NHSL1: variants seen among roughly 807,000 people sequenced by gnomAD.
NHSL1 encodes NHS like 1, also known as NHS-like protein 1.
NHSL1 carries 48 observed loss-of-function variants against 95.0 expected under a neutral mutation model. The ratio of observed to expected loss-of-function variants is 0.51; its 90% confidence interval spans 0.40 to 0.64. The LOEUF (loss-of-function observed/expected upper bound fraction) is 0.64, where lower values mean the gene tolerates loss of function less well. NHSL1 is among the 30% of genes least tolerant of loss of function. NHSL1 has a pLI of 0.00. For missense variants in NHSL1, 1,971 were observed against 2,077.7 expected, an observed-to-expected ratio of 0.95 and a Z score of 1.00; for synonymous variants, 783 against 833.9, an observed-to-expected ratio of 0.94 and a Z score of 1.05.
At chr6:138,597,713 T>C (rs149524065) in intron 1 of NHSL1, among the ~76,000 whole-genome samples, 33 of 152,310 alleles carry the variant, frequency 2.2e-4, no homozygotes, top group Middle Eastern at 3.4e-3. Context: ...AAGTACAGTT[T>C]TGTGTGAGCA....
chr6:138,503,594 C>T (rs1281463537), upstream of NHSL1, among the ~76,000 whole-genome samples: 2 of 152,130 alleles, frequency 1.3e-5, no homozygotes, highest in Non-Finnish European at 2.9e-5. Flanking sequence ...GTTGTAACAG[C>T]AGGGTTGAGC....
chr6:138,503,034 T>G (rs140427202), upstream of NHSL1, among the ~76,000 whole-genome samples: 33 of 152,336 alleles, frequency 2.2e-4, no homozygotes, highest in East Asian at 5.4e-3. Flanking sequence ...AATTGCTCTA[T>G]ACCCCCTGCT....
chr6:138,445,627 C>A (rs56144017), intron 4 of NHSL1, among the ~76,000 whole-genome samples: 10,907 of 152,194 alleles, frequency 0.072, 510 homozygotes, highest in Middle Eastern at 0.14. Context: ...AATGTAATTT[C>A]TAAATATCTG....
rs562177649 is a variant in NHSL1, at chr6:138,431,566, G to A, written c.2779C>T (p.Pro927Ser). The A allele has an allele frequency of 1.8e-4, 277 of 1,551,446 alleles. No individual in the cohort carries two copies. In the South Asian group the frequency reaches 3.0e-3, roughly 17 times the overall value. The change falls in exon 6 of 8, where the codon CCC (proline) becomes TCC (serine). Residue 927 changes from proline (P) to serine (S), a missense_variant. Physicochemically the swap from Pro to Ser is moderately conservative, Grantham distance 74. Transcript: ENST00000343505. The surrounding 1 kb of genome is among the most constrained non-coding windows in gnomAD (Gnocchi z 4.0). ...MKKLDPAVGS[P>S]PAPPPPPVPS... ...ACAGGAGGAGGAGGAGGAGCCGGGG[G>A]AGAGCCCACGGCTGGATCCAGCTTC...
Position 138,424,206 on chromosome 6 carries a change from G to T in NHSL1, c.4696C>A (p.Leu1566Ile). 6.7e-7 allele frequency: 1 copy of T among 1,499,422 alleles called. No homozygotes were observed. Among genetic ancestry groups the T allele is most frequent in the South Asian group, 1.3e-5 (1 of 77,140 alleles). The allele number at this position is 1,499,422 out of a possible 1,614,324, so 92.9% of individuals were successfully genotyped here. Residue 1566 changes from leucine (L) to isoleucine (I), a missense_variant, in exon 8 of 8, where the codon CTC (leucine) becomes ATC (isoleucine). Transcript: ENST00000343505. The surrounding 1 kb of genome is among the most constrained non-coding windows in gnomAD (Gnocchi z 5.9). ...GAGGCGGCAGGCCCCTCCCCACAGA[G>T]CAGGCCGCCCTCGTCCATCTCCTCC... ...AREEMDEGGL[L>I]CGEGPAASLQ...
intron 7 of NHSL1, among the ~76,000 whole-genome samples, chr6:138,429,131 C>T (rs971860485): frequency 6.6e-6 from 1 of 152,092 alleles, no homozygotes; most frequent in Non-Finnish European, 1.5e-5. Context: ...TTAAACCCAA[C>T]GATTTCTGAT....
At chr6:138,512,496 G>A in intron 1 of NHSL1, 3 of 184,344 alleles carry the variant, frequency 1.6e-5, no homozygotes, top group Non-Finnish European at 2.3e-5. Flanking sequence ...TCTATATTCT[G>A]AACTTTCTAG....
chr6:138,485,109 G>A (rs1052929390), intron 2 of NHSL1, among the ~76,000 whole-genome samples: 29 of 152,286 alleles, frequency 1.9e-4, no homozygotes, highest in African/African-American at 7.0e-4. Context: ...CGTATCATTG[G>A]CAGCAGAGGA....
intron 3 of NHSL1, among the ~76,000 whole-genome samples, chr6:138,463,858 G>A (rs1273204980): frequency 1.3e-5 from 2 of 152,036 alleles, no homozygotes; most frequent in Non-Finnish European, 2.9e-5. Flanking sequence ...TAAAATGGCA[G>A]TCCTGTTGCT....
At chr6:138,444,386 T>C (rs1251574541) in intron 4 of NHSL1, among the ~76,000 whole-genome samples, 3 of 152,208 alleles carry the variant, frequency 2.0e-5, no homozygotes, top group African/African-American at 7.2e-5. Context: ...GGAAGAGTTG[T>C]TGTCCCACAT....
intron 1 of NHSL1, among the ~76,000 whole-genome samples, chr6:138,561,846 G>A (rs1783423211): frequency 6.6e-6 from 1 of 152,230 alleles, no homozygotes. Flanking sequence ...GCCTAGGCAA[G>A]CATTCACCAT....
chr6:138,535,482 T>C (rs1782302999), intron 1 of NHSL1, among the ~76,000 whole-genome samples: 1 of 152,122 alleles, frequency 6.6e-6, no homozygotes, highest in Non-Finnish European at 1.5e-5. Flanking sequence ...GAAGATTACT[T>C]GAGCCTAAGA....
chr6:138,451,412 C>T (rs1777230883), intron 3 of NHSL1, among the ~76,000 whole-genome samples: 1 of 151,980 alleles, frequency 6.6e-6, no homozygotes, highest in African/African-American at 2.4e-5. Flanking sequence ...TATTTTGTAT[C>T]CCCTTTCCCT....
At chr6:138,429,944 G>T in intron 6 of NHSL1, 101 bp from the exon 7 acceptor site, 1 of 1,217,296 alleles carries the variant, frequency 8.2e-7, no homozygotes, top group Non-Finnish European at 1.1e-6. Context: ...TCCCGACAAT[G>T]TGAGAACCAC....
At chr6:138,528,910 T>C (rs745592346) in intron 1 of NHSL1, among the ~76,000 whole-genome samples, 17 of 152,162 alleles carry the variant, frequency 1.1e-4, no homozygotes, top group Non-Finnish European at 2.5e-4. Flanking sequence ...ACAAACAGCA[T>C]GGCCCTCATA....
At chr6:138,562,343 CT>C (rs1423819388) in intron 1 of NHSL1, among the ~76,000 whole-genome samples, 2 of 152,178 alleles carry the variant, frequency 1.3e-5, no homozygotes. Flanking sequence ...TGTGACTTCT[CT>C]TAATAAAGAT....
chr6:138,647,059 C>T (rs908617492), intron 1 of NHSL1, among the ~76,000 whole-genome samples: 56 of 152,160 alleles, frequency 3.7e-4, no homozygotes, highest in African/African-American at 1.3e-3. Context: ...TCATTTGCAT[C>T]CACTAGGACA....
intron 3 of NHSL1, among the ~76,000 whole-genome samples, chr6:138,458,719 G>A (rs1422270777): frequency 6.6e-6 from 1 of 151,890 alleles, no homozygotes; most frequent in East Asian, 2.0e-4. Flanking sequence ...CCAGCTACTC[G>A]GGAGGCTGAG....
At chr6:138,469,690 A>G (rs1778629273) in intron 3 of NHSL1, among the ~76,000 whole-genome samples, 1 of 152,184 alleles carries the variant, frequency 6.6e-6, no homozygotes, top group South Asian at 2.1e-4. Flanking sequence ...GCGCCACTGC[A>G]CTCCAGCCTG....
Sources: gnomAD v4.1 joint callset for allele counts (sites outside exome capture counted in the v4.1 genomes callset) on GRCh38, gnomAD v4.1.1 for gene constraint, Gnocchi (gnomAD v3.1) non-coding constraint, MANE v1.5 for transcripts, NCBI Gene and HGNC (gene_info 2026-07-23, HGNC 2026-07-21) for gene names.